The following ABLIM1 variants were observed in gnomAD, a reference collection of about 807,000 sequenced individuals.
ABLIM1 encodes the protein actin binding LIM protein 1.
In ABLIM1, 40 loss-of-function variants were observed where a neutral mutation model predicts 107.0. That is an observed-to-expected ratio of 0.37 (90% CI 0.29 to 0.49). The LOEUF is 0.49. ABLIM1 is among the 20% of genes least tolerant of loss of function. The pLI is 0.97. For synonymous variants in ABLIM1, 357 were observed against 357.3 expected, an observed-to-expected ratio of 1.00 and a Z score of 0.01; for missense variants, 857 against 1,008.5, an observed-to-expected ratio of 0.85 and a Z score of 2.04.
intron 1 of ABLIM1, among the ~76,000 whole-genome samples, chr10:114,675,352 T>G (rs1371031807): frequency 2.0e-5 from 3 of 151,852 alleles, no homozygotes; most frequent in African/African-American, 7.3e-5. Context: ...ATCATGGGGG[T>G]GGGTCTTTTC....
chr10:114,549,159 T>C (rs2067729298), intron 4 of ABLIM1, among the ~76,000 whole-genome samples: 1 of 152,156 alleles, frequency 6.6e-6, no homozygotes, highest in African/African-American at 2.4e-5. Context: ...CCGAGGCGGA[T>C]GGATCACCTG....
At chr10:114,705,738 C>T (rs572671888) in intron 1 of ABLIM1, among the ~76,000 whole-genome samples, 42 of 152,324 alleles carry the variant, frequency 2.8e-4, no homozygotes, top group Non-Finnish European at 5.6e-4. Context: ...AACTGTATCC[C>T]TACCTTCCAA....
At position 114,556,815 on chromosome 10, in the gene ABLIM1, T is replaced by A. The variant is rs369146294; in HGVS notation, c.674-9039A>T. On this transcript the variant is annotated intron_variant, in intron 4 of 22. Coordinates refer to ENST00000533213, the MANE Select transcript of ABLIM1 (RefSeq NM_002313.7). Reference sequence around the variant, plus strand: ...ACTGGCCACAGTCCATGTTTTTTATTTAAAGCAAGTCACTCAAATGAGTCC... The same window carrying A: ...ACTGGCCACAGTCCATGTTTTTTATATAAAGCAAGTCACTCAAATGAGTCC... Among the ~76,000 whole-genome samples the A allele has an allele frequency of 5.3e-5, 8 of 152,286 alleles. No homozygotes were observed. In the East Asian group the frequency reaches 5.8e-4, roughly 11 times the overall value.
chr10:114,626,862 G>A (rs2077841956), intron 1 of ABLIM1, among the ~76,000 whole-genome samples: 1 of 152,196 alleles, frequency 6.6e-6, no homozygotes, highest in South Asian at 2.1e-4. Flanking sequence ...GAGTCAGATA[G>A]GCACACAGGG....
chr10:114,515,312 C>CT (rs5788069), intron 6 of ABLIM1, among the ~76,000 whole-genome samples: 42,443 of 152,014 alleles, frequency 0.28, 6,358 homozygotes, highest in East Asian at 0.6. Flanking sequence ...CCGTGACCCT[C>CT]TCCCTGGCCA....
rs574077835 is a variant in ABLIM1, at chr10:114,480,985, C to G, written c.1041+6973G>C. Among the ~76,000 whole-genome samples the G allele has an allele frequency of 2.0e-5, 3 of 152,264 alleles. No individual in the cohort carries two copies. In the South Asian group the frequency reaches 6.2e-4, roughly 32 times the overall value. On this transcript the variant is annotated intron_variant, in intron 8 of 22. Coordinates refer to ENST00000533213, the MANE Select transcript of ABLIM1 (RefSeq NM_002313.7). ...CATCTTTTTGTTTTCTTCATGAAAT[C>G]TCTTTGAAAAGCCCTCTAAATACCT...
chr10:114,491,918 G>T, intron 6 of ABLIM1, 40 bp from the exon 7 acceptor site: 2 of 1,474,916 alleles, frequency 1.4e-6, no homozygotes, highest in Non-Finnish European at 1.9e-6. Context: ...TCTGCTCCTT[G>T]TCATGGATTC....
chr10:114,636,401 A>C (rs989979526), intron 1 of ABLIM1, among the ~76,000 whole-genome samples: 5 of 152,116 alleles, frequency 3.3e-5, no homozygotes, highest in Non-Finnish European at 5.9e-5. Context: ...TTCTAAATGG[A>C]GTTCAAAGGC....
intron 2 of ABLIM1, among the ~76,000 whole-genome samples, chr10:114,580,134 A>G (rs1404003001): frequency 6.6e-6 from 1 of 151,154 alleles, no homozygotes; most frequent in Non-Finnish European, 1.5e-5. Context: ...TAGCCCAGCC[A>G]TCTTATTCTG....
chr10:114,658,150 C>T lies in ABLIM1; in HGVS notation c.51G>A (p.Glu17=), dbSNP rs372927633. Residue 17 remains glutamate, a synonymous_variant, in exon 1 of 23, where the codon GAG becomes GAA. Coordinates refer to ENST00000533213, the MANE Select transcript of ABLIM1 (RefSeq NM_002313.7). ...LKCLGKLCSS[E]KSKVTSSERT... is the part of the protein sequence containing the mutation. Reference sequence around the variant, plus strand: ...TCTCAGATGAGGTGACTTTGCTTTTCTCAGAGCTGCACAATTTCCCCAGAC... The same window carrying T: ...TCTCAGATGAGGTGACTTTGCTTTTTTCAGAGCTGCACAATTTCCCCAGAC... The T allele has an allele frequency of 6.2e-7, 1 of 1,613,904 alleles. No homozygotes were observed. Among genetic ancestry groups the T allele is most frequent in the Non-Finnish European group, 8.5e-7 (1 of 1,179,904 alleles).
At chr10:114,713,763 T>C (rs1439864098) in intron 1 of ABLIM1, among the ~76,000 whole-genome samples, 1 of 152,148 alleles carries the variant, frequency 6.6e-6, no homozygotes, top group Non-Finnish European at 1.5e-5. Context: ...TACAGAATAA[T>C]AAAAACAGTG....
intron 12 of ABLIM1, among the ~76,000 whole-genome samples, chr10:114,464,863 G>A (rs1478484046): frequency 2.6e-5 from 4 of 152,122 alleles, no homozygotes; most frequent in African/African-American, 2.4e-5. Flanking sequence ...TCACAGACGC[G>A]CACTGTCACC....
chr10:114,591,188 G>A (rs1018495688), intron 2 of ABLIM1, among the ~76,000 whole-genome samples: 1 of 152,110 alleles, frequency 6.6e-6, no homozygotes, highest in Admixed American at 6.6e-5. Context: ...AGACTACATT[G>A]AAAATGACAT....
At chr10:114,469,488 C>A (rs1288756062) in intron 10 of ABLIM1, among the ~76,000 whole-genome samples, 1 of 152,190 alleles carries the variant, frequency 6.6e-6, no homozygotes, top group Non-Finnish European at 1.5e-5. Context: ...CACCCAGACA[C>A]CTGCAGGGCT....
intron 6 of ABLIM1, among the ~76,000 whole-genome samples, chr10:114,513,076 GCAAAC>G (rs1248019111): frequency 1.3e-5 from 2 of 151,998 alleles, no homozygotes; most frequent in Admixed American, 6.6e-5. Context: ...CCTTTCCCCA[GCAAAC>G]CAAACCAAAC....
the ABLIM1 span, among the ~76,000 whole-genome samples, chr10:114,785,311 A>G: frequency 6.6e-6 from 1 of 152,230 alleles, no homozygotes; most frequent in South Asian, 2.1e-4. Context: ...GTACACTGTC[A>G]CAGCTCAAAA....
chr10:114,445,260 G>A, intron 16 of ABLIM1, 52 bp downstream of exon 16: 2 of 1,496,274 alleles, frequency 1.3e-6, no homozygotes, highest in Admixed American at 3.3e-5. Flanking sequence ...AAAAAATATA[G>A]ATCTTATGTA....
At chr10:114,588,280 C>A (rs769542033) in intron 2 of ABLIM1, among the ~76,000 whole-genome samples, 2 of 151,998 alleles carry the variant, frequency 1.3e-5, no homozygotes, top group Non-Finnish European at 2.9e-5. Flanking sequence ...TCCCCATAGC[C>A]AGTCAGGTAA....
intron 5 of ABLIM1, 112 bp from the exon 6 acceptor site, chr10:114,545,210 C>A: frequency 1.0e-6 from 1 of 961,256 alleles, no homozygotes; most frequent in Non-Finnish European, 1.7e-6. Flanking sequence ...ATATTTCTCC[C>A]CTGCCCAGTG....
Sources: gnomAD v4.1 joint callset for allele counts (sites outside exome capture counted in the v4.1 genomes callset) on GRCh38, gnomAD v4.1.1 for gene constraint, MANE v1.5 for transcripts, NCBI Gene and HGNC (gene_info 2026-07-23, HGNC 2026-07-21) for gene names.